Variants in TTC29 observed in about 807,000 individuals in gnomAD.
TTC29 encodes tetratricopeptide repeat protein 29.
In TTC29, 49 loss-of-function variants were observed where a neutral mutation model predicts 58.1. The observed-to-expected ratio is 0.84, with a 90% CI of 0.67 to 1.07. TTC29 has a LOEUF of 1.07. Among genes scored for constraint, TTC29 ranks in the 50% least tolerant of loss-of-function variants. TTC29 has a pLI of 0.00. For missense variants in TTC29, 582 were observed against 555.6 expected (o/e 1.05, Z -0.48); for synonymous variants, 209 against 196.8 (o/e 1.06, Z -0.52).
chr4:146,824,925 T>A (rs1356571846), intron 9 of TTC29, among the ~76,000 whole-genome samples: 2 of 152,224 alleles, frequency 1.3e-5, no homozygotes, highest in Non-Finnish European at 2.9e-5. Flanking sequence ...GTAGTTTGTA[T>A]TTCTGTGGGG....
chr4:146,890,634 G>A (rs1452195843), intron 6 of TTC29, among the ~76,000 whole-genome samples: 46 of 152,192 alleles, frequency 3.0e-4, no homozygotes, highest in Admixed American at 3.0e-3. Context: ...CAGCAGGAAG[G>A]CTTCATTTGA....
At chr4:146,911,912 C>T (rs929340915) in intron 4 of TTC29, among the ~76,000 whole-genome samples, 6 of 152,106 alleles carry the variant, frequency 3.9e-5, no homozygotes, top group African/African-American at 1.4e-4. Context: ...CATGTTGCTG[C>T]CCCCAAGCAA....
intron 8 of TTC29, among the ~76,000 whole-genome samples, chr4:146,836,567 T>C (rs1728523571): frequency 6.6e-6 from 1 of 152,036 alleles, no homozygotes; most frequent in South Asian, 2.1e-4. Context: ...AGGAGGGTCT[T>C]CATTAAAATA....
rs186980226 is a variant in TTC29, at chr4:146,807,451, G to A, written c.1102-3766C>T. On this transcript the variant is annotated intron_variant, in intron 10 of 12. Transcript: ENST00000325106. Reference sequence around the variant, plus strand: ...CTTCAAAAAATCAATGAATCCAGGAGCTGGTTTTTTGAAAAGATTAACAAA... The same window carrying A: ...CTTCAAAAAATCAATGAATCCAGGAACTGGTTTTTTGAAAAGATTAACAAA... 7.2e-5 allele frequency among the ~76,000 whole-genome samples: 11 copies of A among 152,254 alleles called. No homozygotes were observed. The East Asian group carries it at 2.1e-3, about 29-fold the overall frequency.
At chr4:146,724,527 T>C (rs538097827) in intron 11 of TTC29, among the ~76,000 whole-genome samples, 1 of 152,084 alleles carries the variant, frequency 6.6e-6, no homozygotes, top group Admixed American at 6.5e-5. Flanking sequence ...TCAACTTCTT[T>C]TTTTTTTATT....
At chr4:146,768,330 A>G (rs1242854316) in intron 11 of TTC29, among the ~76,000 whole-genome samples, 5 of 151,982 alleles carry the variant, frequency 3.3e-5, no homozygotes, top group Non-Finnish European at 5.9e-5. Context: ...CCATCAGCTA[A>G]ATTAACTCCA....
At chr4:146,736,024 G>A (rs1017219869) in intron 11 of TTC29, among the ~76,000 whole-genome samples, 7 of 152,152 alleles carry the variant, frequency 4.6e-5, no homozygotes, top group Admixed American at 3.9e-4. Flanking sequence ...GGACCAAAGG[G>A]AGTCCCTGCC....
chr4:146,797,869 C>T lies in TTC29; in HGVS notation c.1330+5588G>A, dbSNP rs565864764. On this transcript the variant is annotated intron_variant, in intron 11 of 12. Transcript: ENST00000325106. The stretch of plus-strand genomic sequence containing the variant: ...ATATATATATATATATATTCGTTCT[C>T]TCTTCTTTTCCCTCTCCTTTGGGGC... Among the ~76,000 whole-genome samples, 25 of 129,088 alleles carry T rather than the reference C, an allele frequency of 1.9e-4. No individual in the cohort carries two copies. The South Asian group carries it at 5.9e-3, about 31-fold the overall frequency. The allele number at this position is 129,088 out of a possible 152,430, so 84.7% of individuals were successfully genotyped here. A position where few individuals can be genotyped will look rare whatever the true frequency, so the allele number is the denominator to read the frequency against.
chr4:146,741,546 C>T (rs1056052601), intron 11 of TTC29, among the ~76,000 whole-genome samples: 2 of 151,410 alleles, frequency 1.3e-5, no homozygotes, highest in Non-Finnish European at 2.9e-5. Context: ...GAACATTGCC[C>T]TAATTCAGGT....
chr4:146,882,910 T>C (rs769154830), intron 6 of TTC29, among the ~76,000 whole-genome samples: 1 of 152,054 alleles, frequency 6.6e-6, no homozygotes, highest in Non-Finnish European at 1.5e-5. Flanking sequence ...ACTTCTACTA[T>C]GTGCCAGGCG....
At chr4:146,813,077 C>T (rs1751133381) in intron 10 of TTC29, 1 of 152,198 alleles carries the variant, frequency 6.6e-6, no homozygotes, top group African/African-American at 2.4e-5. Context: ...GACCTTGGAA[C>T]AACGCTCGAA....
chr4:146,915,266 C>A (rs1474975522), intron 4 of TTC29, among the ~76,000 whole-genome samples: 1 of 152,098 alleles, frequency 6.6e-6, no homozygotes, highest in Non-Finnish European at 1.5e-5. Flanking sequence ...TTCTTCTCCT[C>A]CTCCACACAA....
At chr4:146,881,483 C>T (rs76214282) in intron 6 of TTC29, among the ~76,000 whole-genome samples, 2,621 of 152,180 alleles carry the variant, frequency 0.017, 33 homozygotes, top group Non-Finnish European at 0.028. Context: ...TCTAGAGCTA[C>T]TGGACATCTT....
Position 146,901,047 on chromosome 4 carries a change from G to A in TTC29, c.586+2497C>T, listed in dbSNP as rs576133657. Among the ~76,000 whole-genome samples, 3 of 151,922 alleles carry A rather than the reference G, an allele frequency of 2.0e-5. No homozygotes were observed. The East Asian group carries it at 5.8e-4, about 29-fold the overall frequency. On this transcript the variant is annotated intron_variant, in intron 6 of 12. Transcript: ENST00000325106. ...TTCTATGACTTCTTTTGGTGGGGGG[G>A]TCAGTAACTGACAGTTCCATTTGAC...
chr4:146,927,605 T>C (rs970356778), intron 4 of TTC29, among the ~76,000 whole-genome samples: 1 of 152,106 alleles, frequency 6.6e-6, no homozygotes, highest in African/African-American at 2.4e-5. Context: ...TATACATGCA[T>C]AGTATAGAAC....
chr4:146,737,592 G>C (rs1027070471), intron 11 of TTC29, among the ~76,000 whole-genome samples: 2 of 82,864 alleles, frequency 2.4e-5, no homozygotes, highest in Admixed American at 1.1e-4. Flanking sequence ...AGTAGCCCTG[G>C]GGGGGGGGGG....
intron 6 of TTC29, among the ~76,000 whole-genome samples, chr4:146,888,772 C>T (rs898682126): frequency 3.9e-5 from 6 of 152,100 alleles, no homozygotes; most frequent in Non-Finnish European, 5.9e-5. Context: ...AATTACTAAT[C>T]ATTCTTTTTT....
chr4:146,874,930 T>C lies in TTC29; in HGVS notation c.587-2A>G. ...GCTCAGCAGCTTCCAGAAGCTGACC[T>C]GGAGAATAAAAGCCATTCATAAGTA... On this transcript the variant is annotated splice_acceptor_variant, in intron 6 of 12. Coordinates refer to ENST00000325106, the MANE Select transcript of TTC29 (RefSeq NM_031956.4). LOFTEE classifies it high-confidence loss of function. 6.2e-7 allele frequency: 1 copy of C among 1,611,896 alleles called. No homozygotes were observed. Among genetic ancestry groups the C allele is most frequent in the Non-Finnish European group, 8.5e-7 (1 of 1,178,518 alleles).
chr4:146,936,916 A>G (rs1257412375), intron 4 of TTC29, among the ~76,000 whole-genome samples: 1 of 152,044 alleles, frequency 6.6e-6, no homozygotes, highest in Admixed American at 6.6e-5. Flanking sequence ...TCCATTTTTC[A>G]ATACTTACAT....
Sources: allele counts gnomAD v4.1 joint callset (sites outside exome capture counted in the v4.1 genomes callset), GRCh38; gene constraint gnomAD v4.1.1; transcripts MANE v1.5; gene names NCBI Gene and HGNC (gene_info 2026-07-23, HGNC 2026-07-21).